Variants in RPS6KA2 observed in about 807,000 individuals in gnomAD.
The protein encoded by RPS6KA2 is ribosomal protein S6 kinase A2.
RPS6KA2 carries 42 observed loss-of-function variants against 91.8 expected under a neutral mutation model. The observed-to-expected ratio is 0.46, with a 90% CI of 0.36 to 0.59. The LOEUF is 0.59. Among genes scored for constraint, RPS6KA2 ranks in the 20% least tolerant of loss-of-function variants. The pLI, the probability that RPS6KA2 is intolerant of heterozygous loss-of-function variation, is 0.00. For missense variants in RPS6KA2, 798 were observed against 978.5 expected (o/e 0.82, Z 2.46); for synonymous variants, 414 against 393.6 (o/e 1.05, Z -0.61).
chr6:166,425,053 C>T (rs1778858689), intron 16 of RPS6KA2, among the ~76,000 whole-genome samples: 1 of 150,912 alleles, frequency 6.6e-6, no homozygotes, highest in African/African-American at 2.5e-5. Flanking sequence ...CTCCTGTCCT[C>T]TCTGCCTGGA....
rs371834606 is a variant in RPS6KA2 at position 166,546,862 on chromosome 6, C to G, written c.100-8078G>C. Among the ~76,000 whole-genome samples, 150 of 152,304 alleles carry G rather than the reference C, an allele frequency of 9.8e-4. 1 individual carries two copies. The South Asian group carries it at 0.03, about 30-fold the overall frequency. On this transcript the variant is annotated intron_variant, in intron 1 of 20. Coordinates refer to ENST00000265678, the MANE Select transcript of RPS6KA2 (RefSeq NM_021135.6). ...AGAAGAATAAAAAATGCTGAGTCAA[C>G]TAGGATGTAAAGAAAACGCACATCC... is the stretch of plus-strand genomic sequence containing the variant.
chr6:166,428,252 T>G (rs1274165528), intron 16 of RPS6KA2, among the ~76,000 whole-genome samples: 1 of 151,172 alleles, frequency 6.6e-6, no homozygotes, highest in Non-Finnish European at 1.5e-5. Context: ...GCTAGCCATA[T>G]GTAGAAAGCT....
intron 10 of RPS6KA2, among the ~76,000 whole-genome samples, chr6:166,480,104 G>T (rs1781135387): frequency 1.3e-5 from 2 of 152,104 alleles, no homozygotes; most frequent in African/African-American, 4.8e-5. Flanking sequence ...TGGGTGAGGT[G>T]CATGTGCTTT....
chr6:166,767,361 G>C lies in RPS6KA2; in HGVS notation c.123+90839C>G, dbSNP rs537432262. On this transcript the variant is annotated intron_variant, in intron 2 of 21. Coordinates refer to the RPS6KA2 transcript ENST00000503859. This position sits in a 1 kb window ranked among gnomAD's most constrained non-coding sequence, Gnocchi z 4.6. ...ACAGAAAAATCACTCCTCTAACCAA[G>C]ACCACAAAGGCCGCGCGGATCAATG... is the stretch of plus-strand genomic sequence containing the variant. Among the ~76,000 whole-genome samples the C allele has an allele frequency of 2.0e-3, 301 of 151,654 alleles. 5 individuals are homozygous for C. The Middle Eastern group carries it at 0.024, about 12-fold the overall frequency.
intron 1 of RPS6KA2, among the ~76,000 whole-genome samples, chr6:166,598,548 G>A (rs1349395973): frequency 5.3e-5 from 8 of 152,222 alleles, no homozygotes; most frequent in Non-Finnish European, 1.2e-4. Context: ...ATGACCCTCT[G>A]AACTTGAAGA....
intron 2 of RPS6KA2, among the ~76,000 whole-genome samples, chr6:166,788,098 T>G (rs1360092110): frequency 6.6e-6 from 1 of 152,066 alleles, no homozygotes; most frequent in African/African-American, 2.4e-5. Context: ...TCACTGATCA[T>G]TAGGTATTAT....
At chr6:166,753,687 A>G (rs1482099322) in intron 2 of RPS6KA2, among the ~76,000 whole-genome samples, 1 of 152,220 alleles carries the variant, frequency 6.6e-6, no homozygotes, top group Non-Finnish European at 1.5e-5. Context: ...TGTTATTTAG[A>G]TTGTGTTAAT....
chr6:166,414,295 T>G (rs1002482986), intron 19 of RPS6KA2, among the ~76,000 whole-genome samples: 20 of 152,206 alleles, frequency 1.3e-4, no homozygotes, highest in Non-Finnish European at 2.8e-4. Flanking sequence ...CAGGTAGAAA[T>G]CAATTCATAA....
rs1787200297 is a variant in RPS6KA2, at chr6:166,635,340, T to A, written c.124-96556A>T. 6.6e-6 allele frequency among the ~76,000 whole-genome samples: 1 copy of A among 152,186 alleles called. No homozygotes were observed. On this transcript the variant is annotated intron_variant, in intron 2 of 21. Transcript: ENST00000503859. This position sits in a 1 kb window ranked among gnomAD's most constrained non-coding sequence, Gnocchi z 4.8. ...TCCTGCCCTGACGGGCACTGCAGTC[T>A]CTGGGGTAGCACAGACAAGCCAGGG... is the stretch of plus-strand genomic sequence containing the variant.
Position 166,495,897 on chromosome 6 carries a change from G to A in RPS6KA2, c.747+2611C>T, listed in dbSNP as rs774282369. Reference sequence around the variant, plus strand: ...GGGCTGATGGTGGAAGGGGACCGGGGGGAGTTTGCTGGAGCAAGGCGAGCC... The same window carrying A: ...GGGCTGATGGTGGAAGGGGACCGGGAGGAGTTTGCTGGAGCAAGGCGAGCC... On this transcript the variant is annotated intron_variant, in intron 8 of 20. Transcript: ENST00000265678. The surrounding 1 kb of genome is among the most constrained non-coding windows in gnomAD (Gnocchi z 4.4). Among the ~76,000 whole-genome samples, 11 of 152,236 alleles carry A rather than the reference G, an allele frequency of 7.2e-5. No homozygotes were observed. Among genetic ancestry groups the A allele is most frequent in the Non-Finnish European group, 1.3e-4 (9 of 68,048 alleles).
intron 2 of RPS6KA2, among the ~76,000 whole-genome samples, chr6:166,759,833 C>A (rs1200637905): frequency 2.0e-5 from 3 of 152,230 alleles, no homozygotes; most frequent in Admixed American, 1.3e-4. Context: ...TCCGTATCCT[C>A]GCCCAGCGGT....
chr6:166,839,664 G>A (rs1475976947), intron 2 of RPS6KA2, among the ~76,000 whole-genome samples: 1 of 115,804 alleles, frequency 8.6e-6, no homozygotes, highest in East Asian at 2.5e-4. Context: ...TTATAAGAGG[G>A]AGGTGGAAAT....
chr6:166,430,014 A>G (rs1275986779), intron 16 of RPS6KA2, among the ~76,000 whole-genome samples: 3 of 150,202 alleles, frequency 2.0e-5, no homozygotes, highest in East Asian at 2.0e-4. Flanking sequence ...CTGGAGTGCA[A>G]TGGTGCTATC....
intron 1 of RPS6KA2, among the ~76,000 whole-genome samples, chr6:166,542,660 G>A (rs1783697875): frequency 6.6e-6 from 1 of 152,186 alleles, no homozygotes. Flanking sequence ...ATGACTGCAG[G>A]AAGTCCCGGG....
rs1296033590 is a variant in RPS6KA2 at position 166,648,205 on chromosome 6, C to A, written c.124-109421G>T. Among the ~76,000 whole-genome samples, 1 of 102,930 alleles carries A rather than the reference C, an allele frequency of 9.7e-6. No homozygotes were observed. Among genetic ancestry groups the A allele is most frequent in the Non-Finnish European group, 1.9e-5 (1 of 51,890 alleles). 67.5% of individuals were successfully genotyped at this position (102,930 alleles called of 152,430 possible). A position where few individuals can be genotyped will look rare whatever the true frequency, so the allele number is the denominator to read the frequency against. Reference sequence around the variant, plus strand: ...ACATGCACACATGCTCATACACACACTCATGCACACACACGCACATGCGCA... The same window carrying A: ...ACATGCACACATGCTCATACACACAATCATGCACACACACGCACATGCGCA... On this transcript the variant is annotated intron_variant, in intron 2 of 21. Coordinates refer to the RPS6KA2 transcript ENST00000503859. The surrounding 1 kb of genome is among the most constrained non-coding windows in gnomAD (Gnocchi z 4.8).
chr6:166,420,824 A>G (rs541945982), intron 17 of RPS6KA2, among the ~76,000 whole-genome samples: 2 of 152,340 alleles, frequency 1.3e-5, no homozygotes. Context: ...CAAAACTTGT[A>G]TGCATCCTAG....
intron 2 of RPS6KA2, among the ~76,000 whole-genome samples, chr6:166,746,345 C>T (rs370495423): frequency 2.3e-4 from 35 of 152,318 alleles, no homozygotes; most frequent in Non-Finnish European, 4.6e-4. Flanking sequence ...GAAAACTCAG[C>T]GTGTGTTTTC....
At chr6:166,487,641 T>C (rs1781456000) in intron 10 of RPS6KA2, among the ~76,000 whole-genome samples, 2 of 151,980 alleles carry the variant, frequency 1.3e-5, no homozygotes, top group African/African-American at 4.8e-5. Flanking sequence ...GAAGGAAGAG[T>C]GGTTTACGTG....
chr6:166,767,853 C>T lies in RPS6KA2; in HGVS notation c.123+90347G>A, dbSNP rs892170753. On this transcript the variant is annotated intron_variant, in intron 2 of 21. Coordinates refer to the RPS6KA2 transcript ENST00000503859. The surrounding 1 kb of genome is among the most constrained non-coding windows in gnomAD (Gnocchi z 4.6). ...GCAGCCGGCCACCACAGAGTGTGTGCGGGGATTGCTAACCATGGCAGAGCC... is the reference window on the plus strand; with the variant it reads ...GCAGCCGGCCACCACAGAGTGTGTGTGGGGATTGCTAACCATGGCAGAGCC... Among the ~76,000 whole-genome samples the T allele has an allele frequency of 5.9e-5, 9 of 151,618 alleles. No homozygotes were observed. Among genetic ancestry groups the T allele is most frequent in the African/African-American group, 1.7e-4 (7 of 41,226 alleles).
Sources: allele counts gnomAD v4.1 joint callset (sites outside exome capture counted in the v4.1 genomes callset), GRCh38; gene constraint gnomAD v4.1.1; non-coding constraint Gnocchi (gnomAD v3.1); transcripts MANE v1.5; gene names NCBI Gene and HGNC (gene_info 2026-07-23, HGNC 2026-07-21).